Variants in TMEM231 observed in about 807,000 individuals in gnomAD.
The protein encoded by TMEM231 is transmembrane protein 231.
In TMEM231, 40 loss-of-function variants were observed where a neutral mutation model predicts 38.5. The ratio of observed to expected loss-of-function variants is 1.04; its 90% confidence interval spans 0.81 to 1.35. TMEM231 has a LOEUF of 1.35. TMEM231 is among the 40% of genes most tolerant of loss of function. The pLI is 0.00. For missense variants in TMEM231, 420 were observed against 416.9 expected, an observed-to-expected ratio of 1.01 and a Z score of -0.07; for synonymous variants, 199 against 181.7, an observed-to-expected ratio of 1.10 and a Z score of -0.77.
chr16:75,551,790 C>T (rs868443419), intron 2 of TMEM231, among the ~76,000 whole-genome samples: 3 of 151,650 alleles, frequency 2.0e-5, no homozygotes, highest in South Asian at 2.1e-4. Flanking sequence ...GATGAAATCC[C>T]GTCTCTACTA....
chr16:75,555,219 A>C (rs1298659301), intron 2 of TMEM231: 1 of 152,356 alleles, frequency 6.6e-6, no homozygotes, highest in Admixed American at 6.5e-5. Flanking sequence ...AATTACAGAC[A>C]GTAACATGCT....
At chr16:75,546,549 T>C (rs2080694839) in intron 2 of TMEM231, among the ~76,000 whole-genome samples, 2 of 152,116 alleles carry the variant, frequency 1.3e-5, no homozygotes, top group African/African-American at 4.8e-5. Context: ...GTCAAGGAAT[T>C]GTCCTGCCTC....
chr16:75,547,177 C>T (rs1567437348), intron 2 of TMEM231, among the ~76,000 whole-genome samples: 1 of 152,134 alleles, frequency 6.6e-6, no homozygotes, highest in East Asian at 1.9e-4. Flanking sequence ...CTGTGGATTC[C>T]CAGAACAATT....
At chr16:75,548,627 G>C (rs969123169) in intron 2 of TMEM231, among the ~76,000 whole-genome samples, 4 of 152,182 alleles carry the variant, frequency 2.6e-5, no homozygotes, top group African/African-American at 9.7e-5. Flanking sequence ...CCAGCACTTT[G>C]GGAGGCCCAG....
chr16:75,550,787 G>A (rs2080751079), intron 2 of TMEM231, among the ~76,000 whole-genome samples: 1 of 149,818 alleles, frequency 6.7e-6, no homozygotes, highest in African/African-American at 2.5e-5. Context: ...TGCAATCTCA[G>A]CTCACTGCAA....
intron 2 of TMEM231, among the ~76,000 whole-genome samples, chr16:75,553,949 G>C (rs2080786699): frequency 6.6e-6 from 1 of 152,150 alleles, no homozygotes; most frequent in Admixed American, 6.5e-5. Context: ...CACAAGGAAA[G>C]ATGATTTAGC....
In TMEM231 at chr16:75,539,105, C is replaced by A. The variant is rs1352519170; in HGVS notation, c.*889G>T. ...CAGCGGGAGCCAATCCCAACACCAA[C>A]CCCTGTCGCCCCTGTCCTTTGCAGG... On this transcript the variant is annotated 3_prime_UTR_variant, in exon 7 of 7. Coordinates refer to ENST00000258173, the MANE Select transcript of TMEM231 (RefSeq NM_001077418.3). The A allele has an allele frequency of 6.6e-6, 1 of 151,864 alleles. No individual in the cohort carries two copies. 9.4% of individuals were successfully genotyped at this position (151,864 alleles called of 1,614,324 possible). A position where few individuals can be genotyped will look rare whatever the true frequency, so the allele number is the denominator to read the frequency against.
At chr16:75,548,090 C>T (rs1597044145) in intron 2 of TMEM231, among the ~76,000 whole-genome samples, 2 of 152,222 alleles carry the variant, frequency 1.3e-5, no homozygotes, top group South Asian at 4.2e-4. Context: ...ACACAGATGA[C>T]AAAATCAAGG....
chr16:75,541,056 G>A lies in TMEM231; in HGVS notation c.770+294C>T, dbSNP rs139657175. 2.9e-3 allele frequency among the ~76,000 whole-genome samples: 440 copies of A among 152,142 alleles called. 11 individuals are homozygous for A. The East Asian group carries it at 0.069, about 24-fold the overall frequency. ...AGAGGCAGGGTCTCACTCTGTCACC[G>A]AGGCTGGAGTACAGTGGCACAATCA... On this transcript the variant is annotated intron_variant, in intron 6 of 6. Transcript: ENST00000258173.
At position 75,556,119 on chromosome 16, in the gene TMEM231, C is replaced by T. The variant is rs202215735; in HGVS notation, c.91G>A (p.Ala31Thr). 487 of 1,573,544 alleles carry T rather than the reference C, an allele frequency of 3.1e-4. No homozygotes were observed. In the African/African-American group the frequency reaches 5.9e-3, roughly 19 times the overall value. The change falls in exon 1 of 7, where the codon GCT becomes ACT. Residue 31 changes from alanine (A) to threonine (T), a missense_variant. Ala to Thr is a moderately conservative substitution (Grantham distance 58). Coordinates refer to ENST00000258173, the MANE Select transcript of TMEM231 (RefSeq NM_001077418.3). ...SKAALFLLLAAALTYIPPLLV... is the reference protein window; with the variant it reads ...SKAALFLLLATALTYIPPLLV... The stretch of plus-strand genomic sequence containing the variant: ...AGCGGCGGGATGTACGTGAGCGCAG[C>T]GGCCAGCAGCAGGAACAGCGCGGCT...
intron 6 of TMEM231, among the ~76,000 whole-genome samples, chr16:75,540,584 C>A (rs2080612716): frequency 1.3e-5 from 2 of 152,098 alleles, no homozygotes; most frequent in Admixed American, 1.3e-4. Context: ...TTCCTAAGAC[C>A]CCAGTTAAAA....
chr16:75,554,847 T>C (rs545899188), intron 2 of TMEM231: 79 of 152,368 alleles, frequency 5.2e-4, no homozygotes, highest in African/African-American at 1.7e-3. Flanking sequence ...TGTCATTACT[T>C]TTAATGGCAA....
intron 2 of TMEM231, among the ~76,000 whole-genome samples, chr16:75,553,778 C>T (rs1378258657): frequency 6.6e-6 from 1 of 152,104 alleles, no homozygotes; most frequent in Non-Finnish European, 1.5e-5. Flanking sequence ...CTGCCTCAGC[C>T]TTCCAAAGTG....
At position 75,542,587 on chromosome 16, in the gene TMEM231, C is replaced by G; in HGVS notation, c.664+15G>C. On this transcript the variant is annotated intron_variant, in intron 5 of 6. Coordinates refer to ENST00000258173, the MANE Select transcript of TMEM231 (RefSeq NM_001077418.3). ...GTCCTGAGCAGCGGCTGAATGGGCTCTACCTGTGACTCACCGTTCCTCTCC... is the reference window on the plus strand; with the variant it reads ...GTCCTGAGCAGCGGCTGAATGGGCTGTACCTGTGACTCACCGTTCCTCTCC... 6.2e-7 allele frequency: 1 copy of G among 1,612,844 alleles called. No individual in the cohort carries two copies. Among genetic ancestry groups the G allele is most frequent in the South Asian group, 1.1e-5 (1 of 91,044 alleles).
At position 75,539,240 on chromosome 16, in the gene TMEM231, G is replaced by T. The variant is rs1187024176; in HGVS notation, c.*754C>A. 6.6e-6 allele frequency: 1 copy of T among 152,138 alleles called. No homozygotes were observed. The highest frequency in any genetic ancestry group is 1.5e-5 in the Non-Finnish European group (1 of 68,024). The allele number at this position is 152,138 out of a possible 1,614,324, so 9.4% of individuals were successfully genotyped here. A position where few individuals can be genotyped will look rare whatever the true frequency, so the allele number is the denominator to read the frequency against. ...TTCTTCCCCCAGTGCTGCTGAGGGG[G>T]CTGAGAATGAAACAGCCCCTCTGAC... On this transcript the variant is annotated 3_prime_UTR_variant, in exon 7 of 7. Coordinates refer to ENST00000258173, the MANE Select transcript of TMEM231 (RefSeq NM_001077418.3).
chr16:75,542,599 C>T lies in TMEM231; in HGVS notation c.664+3G>A. 6.2e-7 allele frequency: 1 copy of T among 1,613,680 alleles called. No homozygotes were observed. Among genetic ancestry groups the T allele is most frequent in the Non-Finnish European group, 8.5e-7 (1 of 1,179,708 alleles). On this transcript the variant is annotated splice_donor_region_variant and intron_variant, in intron 5 of 6. Transcript: ENST00000258173. ...GGCTGAATGGGCTCTACCTGTGACT[C>T]ACCGTTCCTCTCCTGGTAGGCAGCA...
At chr16:75,540,785 T>C (rs994510233) in intron 6 of TMEM231, among the ~76,000 whole-genome samples, 6 of 152,212 alleles carry the variant, frequency 3.9e-5, no homozygotes, top group Non-Finnish European at 8.8e-5. Context: ...CCTAGAAGAA[T>C]TGCTTGGAAA....
At chr16:75,546,216 T>C (rs1318958732) in intron 2 of TMEM231, 82 of 1,001,024 alleles carry the variant, frequency 8.2e-5, no homozygotes, top group Non-Finnish European at 1.0e-4. Flanking sequence ...AACATCTGGA[T>C]AGTATTTGTG....
rs2738801 is a variant in TMEM231, at chr16:75,545,335, A to T, written c.582+17T>A. ...CACAGAGAAACAAAGGAGCTGGACAATGAGAAGCGCTCTTACGTTGTATCG... is the reference window on the plus strand; with the variant it reads ...CACAGAGAAACAAAGGAGCTGGACATTGAGAAGCGCTCTTACGTTGTATCG... On this transcript the variant is annotated intron_variant, in intron 4 of 6. Coordinates refer to ENST00000258173, the MANE Select transcript of TMEM231 (RefSeq NM_001077418.3). 405,764 of 1,603,564 alleles carry T rather than the reference A, an allele frequency of 0.25. 52,565 individuals are homozygous for T. The highest frequency in any genetic ancestry group is 0.28 in the African/African-American group (21,171 of 74,482).
Sources: allele counts gnomAD v4.1 joint callset (sites outside exome capture counted in the v4.1 genomes callset), GRCh38; gene constraint gnomAD v4.1.1; transcripts MANE v1.5; gene names NCBI Gene and HGNC (gene_info 2026-07-23, HGNC 2026-07-21).